Variants in UBL3 observed in about 807,000 individuals in gnomAD.
The protein encoded by UBL3 is ubiquitin-like protein 3.
Under a neutral mutation model 18.4 loss-of-function variants are expected in UBL3, and 6 were observed. The observed-to-expected ratio is 0.33, with a 90% CI of 0.18 to 0.64. The LOEUF (loss-of-function observed/expected upper bound fraction) is 0.64, where lower values mean the gene tolerates loss of function less well. Among genes scored for constraint, UBL3 ranks in the 30% least tolerant of loss-of-function variants. UBL3 has a pLI of 0.76. For synonymous variants in UBL3, 49 were observed against 46.6 expected, an observed-to-expected ratio of 1.05 and a Z score of -0.21; for missense variants, 109 against 142.9, an observed-to-expected ratio of 0.76 and a Z score of 1.21.
rs371964365 is a variant in UBL3, at chr13:29,787,302, T to C, written c.28-10039A>G. Among the ~76,000 whole-genome samples the C allele has an allele frequency of 5.3e-5, 8 of 152,296 alleles. No homozygotes were observed. In the South Asian group the frequency reaches 8.3e-4, roughly 16 times the overall value. ...AGCACGTAAGTCCCTAATAGTTAGA[T>C]ATTATCACAAATTATCATCATTATA... is the stretch of plus-strand genomic sequence containing the variant. On this transcript the variant is annotated intron_variant, in intron 1 of 4. Coordinates refer to ENST00000380680, the MANE Select transcript of UBL3 (RefSeq NM_007106.4).
At chr13:29,783,383 A>G (rs751347176) in intron 1 of UBL3, among the ~76,000 whole-genome samples, 4 of 152,242 alleles carry the variant, frequency 2.6e-5, no homozygotes, top group Non-Finnish European at 5.9e-5. Flanking sequence ...GCCTATGCTT[A>G]TATCTATGAG....
chr13:29,796,255 TATTTG>T (rs913483593), intron 1 of UBL3, among the ~76,000 whole-genome samples: 10 of 152,226 alleles, frequency 6.6e-5, no homozygotes, highest in Non-Finnish European at 7.4e-5. Flanking sequence ...TTTTAATTAA[TATTTG>T]ATTTATGAAA....
intron 1 of UBL3, among the ~76,000 whole-genome samples, chr13:29,837,855 A>T (rs888089389): frequency 3.2e-4 from 48 of 151,740 alleles, no homozygotes; most frequent in African/African-American, 1.2e-3. Flanking sequence ...ACTTGAACCC[A>T]GGAGGCGGAG....
At chr13:29,833,018 AGCAGGG>A (rs1284704722) in intron 1 of UBL3, among the ~76,000 whole-genome samples, 3 of 152,246 alleles carry the variant, frequency 2.0e-5, no homozygotes, top group African/African-American at 7.2e-5. Flanking sequence ...ATTATGGACA[AGCAGGG>A]GTTCATTACA....
At chr13:29,785,970 T>C (rs748682647) in intron 1 of UBL3, among the ~76,000 whole-genome samples, 1 of 152,174 alleles carries the variant, frequency 6.6e-6, no homozygotes, top group Non-Finnish European at 1.5e-5. Context: ...CAGTGAGTTA[T>C]AAAAAGTAAA....
At chr13:29,773,811 T>G (rs1210149917) in intron 2 of UBL3, among the ~76,000 whole-genome samples, 1 of 152,178 alleles carries the variant, frequency 6.6e-6, no homozygotes, top group South Asian at 2.1e-4. Context: ...ATAATAGCTA[T>G]GTGTCTGACT....
At chr13:29,803,522 G>A (rs975168658) in intron 1 of UBL3, among the ~76,000 whole-genome samples, 3 of 151,924 alleles carry the variant, frequency 2.0e-5, no homozygotes, top group Non-Finnish European at 2.9e-5. Context: ...CCATTGGTAC[G>A]CTGTCTCTAA....
intron 1 of UBL3, among the ~76,000 whole-genome samples, chr13:29,849,159 C>A (rs1879304016): frequency 6.6e-6 from 1 of 152,188 alleles, no homozygotes; most frequent in Non-Finnish European, 1.5e-5. Context: ...CGTAGGGACA[C>A]CCGTCCTCAG....
intron 1 of UBL3, among the ~76,000 whole-genome samples, chr13:29,806,752 G>A (rs1877907976): frequency 6.6e-6 from 1 of 152,196 alleles, no homozygotes; most frequent in Non-Finnish European, 1.5e-5. Context: ...ATCACTGCCT[G>A]AAGGGATATT....
At chr13:29,847,350 T>C (rs1012378750) in intron 1 of UBL3, among the ~76,000 whole-genome samples, 2 of 152,258 alleles carry the variant, frequency 1.3e-5, no homozygotes, top group Non-Finnish European at 2.9e-5. Flanking sequence ...TACATAATAT[T>C]GCTTTGCCCT....
chr13:29,826,982 C>T (rs1878639969), intron 1 of UBL3, among the ~76,000 whole-genome samples: 1 of 152,112 alleles, frequency 6.6e-6, no homozygotes, highest in Admixed American at 6.6e-5. Context: ...AGTTTCCATG[C>T]AGTTGTGTGG....
chr13:29,777,301 A>G, intron 1 of UBL3, 38 bp from the exon 2 acceptor site: 1 of 1,527,340 alleles, frequency 6.5e-7, no homozygotes, highest in South Asian at 1.3e-5. Flanking sequence ...ATAAATCTAA[A>G]AATTTTTTAA....
chr13:29,839,460 A>G (rs953951174), intron 1 of UBL3, among the ~76,000 whole-genome samples: 1 of 152,206 alleles, frequency 6.6e-6, no homozygotes, highest in African/African-American at 2.4e-5. Flanking sequence ...AATTTCATAT[A>G]CATTTTTTAA....
At chr13:29,832,475 G>A (rs566117296) in intron 1 of UBL3, among the ~76,000 whole-genome samples, 11 of 152,154 alleles carry the variant, frequency 7.2e-5, no homozygotes, top group Admixed American at 1.3e-4. Context: ...TGGGACTACA[G>A]GACCCCACCA....
rs138253968 is a variant in UBL3, at chr13:29,769,380, A to G, written c.224-1685T>C. Among the ~76,000 whole-genome samples, 12 of 152,242 alleles carry G rather than the reference A, an allele frequency of 7.9e-5. No homozygotes were observed. In the East Asian group the frequency reaches 2.1e-3, roughly 27 times the overall value. On this transcript the variant is annotated intron_variant, in intron 3 of 4. Coordinates refer to ENST00000380680, the MANE Select transcript of UBL3 (RefSeq NM_007106.4). ...TGTTAATAACATTTAAAAATGTGAA[A>G]GAAGAGGAATACCAGAATCTAAAAT... is the stretch of plus-strand genomic sequence containing the variant.
intron 2 of UBL3, among the ~76,000 whole-genome samples, 187 bp downstream of exon 2, chr13:29,776,968 C>G (rs1877015018): frequency 6.6e-6 from 1 of 151,142 alleles, no homozygotes; most frequent in South Asian, 2.1e-4. Flanking sequence ...GGCTCCTTTA[C>G]CATTTGGGAA....
chr13:29,797,101 C>T (rs146926529), intron 1 of UBL3, among the ~76,000 whole-genome samples: 47 of 152,094 alleles, frequency 3.1e-4, no homozygotes, highest in Middle Eastern at 3.4e-3. Context: ...TTATTGAAAA[C>T]ATTATCAAAC....
At chr13:29,808,502 T>C (rs1015764005) in intron 1 of UBL3, among the ~76,000 whole-genome samples, 1 of 152,172 alleles carries the variant, frequency 6.6e-6, no homozygotes, top group African/African-American at 2.4e-5. Context: ...TGTGACATCC[T>C]AGACATGCCA....
chr13:29,798,863 A>T (rs1330954969), intron 1 of UBL3, among the ~76,000 whole-genome samples: 1 of 152,258 alleles, frequency 6.6e-6, no homozygotes, highest in Non-Finnish European at 1.5e-5. Flanking sequence ...GATAACAATG[A>T]GAACAGTATG....
Sources: gnomAD v4.1 joint callset for allele counts (sites outside exome capture counted in the v4.1 genomes callset) on GRCh38, gnomAD v4.1.1 for gene constraint, MANE v1.5 for transcripts, NCBI Gene and HGNC (gene_info 2026-07-23, HGNC 2026-07-21) for gene names.